AP1M1: variants seen among roughly 807,000 people sequenced by gnomAD.
AP1M1 encodes AP-1 complex subunit mu-1.
In AP1M1, 18 loss-of-function variants were observed where a neutral mutation model predicts 57.1. The ratio of observed to expected loss-of-function variants is 0.32; its 90% CI spans 0.22 to 0.47. AP1M1 has a LOEUF of 0.47. Among genes scored for constraint, AP1M1 ranks in the 20% least tolerant of loss-of-function variants. The pLI is 1.00. For missense variants in AP1M1, 362 were observed against 593.5 expected (o/e 0.61, Z 4.05); for synonymous variants, 241 against 237.9 (o/e 1.01, Z -0.12).
At position 16,241,670 on chromosome 19, in the gene AP1M1, TAGGA is replaced by T. The variant is rs2091646158; in HGVS notation, c.*7238_*7241del. The T allele has an allele frequency of 6.6e-6, 1 of 151,830 alleles. No homozygotes were observed. Among genetic ancestry groups the T allele is most frequent in the Non-Finnish European group, 1.5e-5 (1 of 68,006 alleles). The allele number at this position is 151,830 out of a possible 1,614,324, so 9.4% of individuals were successfully genotyped here. The stretch of plus-strand genomic sequence containing the variant: ...TGAAAGAAAACTTTTAACAGATTAA[TAGGA>T]AGAAGGAAAAGAGAAGGAGGCGTAG... On this transcript the variant is annotated 3_prime_UTR_variant, in exon 12 of 12. Transcript: ENST00000291439.
At position 16,235,660 on chromosome 19, in the gene AP1M1, G is replaced by A; in HGVS notation, c.*1225G>A. ...ATGGCCCACTCAGAGCATGGTCCTT[G>A]TGTCCACAGCAGCATCCCCTGTGTC... is the stretch of plus-strand genomic sequence containing the variant. On this transcript the variant is annotated 3_prime_UTR_variant, in exon 12 of 12. Coordinates refer to ENST00000291439, the MANE Select transcript of AP1M1 (RefSeq NM_032493.4). The A allele has an allele frequency of 6.6e-6, 1 of 152,272 alleles. No individual in the cohort carries two copies. Among genetic ancestry groups the A allele is most frequent in the East Asian group, 1.9e-4 (1 of 5,190 alleles). The allele number at this position is 152,272 out of a possible 1,614,324, so 9.4% of individuals were successfully genotyped here.
At chr19:16,223,279 T>C (rs1350246952) in intron 5 of AP1M1, among the ~76,000 whole-genome samples, 1 of 152,172 alleles carries the variant, frequency 6.6e-6, no homozygotes, top group Non-Finnish European at 1.5e-5. Context: ...CCCGAGTGGT[T>C]AGTTCAGTTC....
intron 5 of AP1M1, among the ~76,000 whole-genome samples, chr19:16,219,776 C>CAAGA (rs2091535456): frequency 6.6e-6 from 1 of 152,230 alleles, no homozygotes; most frequent in Non-Finnish European, 1.5e-5. Flanking sequence ...GCTGAATAAA[C>CAAGA]TGCATTGTGC....
At position 16,217,731 on chromosome 19, in the gene AP1M1, C is replaced by T. The variant is rs145019647; in HGVS notation, c.546+8554C>T. ...GAGTTCAGGTCTGACAGTTCCCCTA[C>T]GGCTAAAGTCTCCTATGAGAGCAAG... On this transcript the variant is annotated intron_variant, in intron 5 of 11. Coordinates refer to ENST00000291439, the MANE Select transcript of AP1M1 (RefSeq NM_032493.4). Among the ~76,000 whole-genome samples the T allele has an allele frequency of 1.4e-4, 21 of 152,276 alleles. No homozygotes were observed. The East Asian group carries it at 2.5e-3, about 18-fold the overall frequency.
At position 16,240,997 on chromosome 19, in the gene AP1M1, G is replaced by A. The variant is rs1177335306; in HGVS notation, c.*6562G>A. ...GCTTCAAATTACTGAGAGAAGTGCA[G>A]TCTAGAATTCTGAGCCCACCTCATC... is the stretch of plus-strand genomic sequence containing the variant. On this transcript the variant is annotated 3_prime_UTR_variant, in exon 12 of 12. Coordinates refer to ENST00000291439, the MANE Select transcript of AP1M1 (RefSeq NM_032493.4). 2 of 152,116 alleles carry A rather than the reference G, an allele frequency of 1.3e-5. No individual in the cohort carries two copies. The highest frequency in any genetic ancestry group is 2.9e-5 in the Non-Finnish European group (2 of 68,032). The allele number at this position is 152,116 out of a possible 1,614,324, so 9.4% of individuals were successfully genotyped here.
Position 16,244,696 on chromosome 19 carries a change from G to A in AP1M1, c.*10261G>A, listed in dbSNP as rs1390666514. 1.3e-5 allele frequency: 2 copies of A among 151,916 alleles called. No homozygotes were observed. The highest frequency in any genetic ancestry group is 2.1e-4 in the South Asian group (1 of 4,798). The allele number at this position is 151,916 out of a possible 1,614,324, so 9.4% of individuals were successfully genotyped here. On this transcript the variant is annotated 3_prime_UTR_variant, in exon 12 of 12. Coordinates refer to ENST00000291439, the MANE Select transcript of AP1M1 (RefSeq NM_032493.4). ...ATACAAAAAATTAGCCGGGCGCGGTGGCGGGCGCCTGTAGTCCCAGCTACT... is the reference window on the plus strand; with the variant it reads ...ATACAAAAAATTAGCCGGGCGCGGTAGCGGGCGCCTGTAGTCCCAGCTACT...
chr19:16,219,990 T>G (rs181031077), intron 5 of AP1M1, among the ~76,000 whole-genome samples: 50 of 152,360 alleles, frequency 3.3e-4, no homozygotes, highest in East Asian at 1.9e-4. Flanking sequence ...GGATCTACAC[T>G]CATAAGAGAT....
chr19:16,236,101 TATC>T lies in AP1M1; in HGVS notation c.*1668_*1670del, dbSNP rs10532680. On this transcript the variant is annotated 3_prime_UTR_variant, in exon 12 of 12. Coordinates refer to ENST00000291439, the MANE Select transcript of AP1M1 (RefSeq NM_032493.4). ...CCCCTCCCCTCACTGTCCACACCCA[TATC>T]AGCAGCCAGCCCTCATGGCCCCTCC... 0.15 allele frequency: 22,299 copies of T among 152,422 alleles called. 2,662 individuals carry two copies. Among genetic ancestry groups the T allele is most frequent in the African/African-American group, 0.31 (12,893 of 41,436 alleles). The allele number at this position is 152,422 out of a possible 1,614,324, so 9.4% of individuals were successfully genotyped here. A position where few individuals can be genotyped will look rare whatever the true frequency, so the allele number is the denominator to read the frequency against.
chr19:16,205,589 G>C (rs1324284935), intron 2 of AP1M1, among the ~76,000 whole-genome samples: 1 of 152,174 alleles, frequency 6.6e-6, no homozygotes. Context: ...AGGCAGCACA[G>C]ATGTGCCATG....
Position 16,208,154 on chromosome 19 carries a change from G to A in AP1M1, c.398+5G>A, listed in dbSNP as rs762491247. On this transcript the variant is annotated splice_donor_5th_base_variant and intron_variant, in intron 4 of 11. Transcript: ENST00000291439. ...CGACAGCAAGATCCTGCAGGAGTGA[G>A]TGGGCAGGGGTGGGGCCTGGGGCCA... 6.2e-7 allele frequency: 1 copy of A among 1,610,950 alleles called. No homozygotes were observed. Among genetic ancestry groups the A allele is most frequent in the Non-Finnish European group, 8.5e-7 (1 of 1,178,300 alleles).
intron 5 of AP1M1, among the ~76,000 whole-genome samples, chr19:16,215,647 T>G (rs1053129557): frequency 2.0e-5 from 3 of 152,052 alleles, no homozygotes; most frequent in South Asian, 4.2e-4. Context: ...TTATGTGTTT[T>G]GGGGATGATC....
chr19:16,222,208 ATTATTTT>A lies in AP1M1; in HGVS notation c.547-4210_547-4204del, dbSNP rs1568353117. ...TATTATTATTATTACTATTATTATTATTATTTTTTTTTTTTTTGAGATAGGTTCCCAC... is the reference window on the plus strand; with the variant it reads ...TATTATTATTATTACTATTATTATTATTTTTTTTTTGAGATAGGTTCCCAC... On this transcript the variant is annotated intron_variant, in intron 5 of 11. Coordinates refer to ENST00000291439, the MANE Select transcript of AP1M1 (RefSeq NM_032493.4). Among the ~76,000 whole-genome samples the A allele has an allele frequency of 4.0e-3, 277 of 68,832 alleles. 3 individuals carry two copies. The highest frequency in any genetic ancestry group is 0.01 in the African/African-American group (267 of 26,022). 45.2% of individuals were successfully genotyped at this position (68,832 alleles called of 152,430 possible).
At chr19:16,223,906 C>T (rs1166178162) in intron 5 of AP1M1, among the ~76,000 whole-genome samples, 4 of 152,242 alleles carry the variant, frequency 2.6e-5, no homozygotes, top group Non-Finnish European at 4.4e-5. Flanking sequence ...ACGCTGGCCT[C>T]ATCCCTGCGG....
chr19:16,222,633 G>A (rs2091551284), intron 5 of AP1M1, among the ~76,000 whole-genome samples: 1 of 151,812 alleles, frequency 6.6e-6, no homozygotes, highest in South Asian at 2.1e-4. Flanking sequence ...TTTGAGACAG[G>A]GTCTTACTCT....
intron 6 of AP1M1, 53 bp downstream of exon 6, chr19:16,226,600 CA>C (rs1276398506): frequency 2.7e-5 from 42 of 1,531,916 alleles, no homozygotes; most frequent in Admixed American, 3.8e-5. Flanking sequence ...ACCAGGCACA[CA>C]CATTACAGCC....
Position 16,208,339 on chromosome 19 carries a change from C to G in AP1M1, c.398+190C>G, listed in dbSNP as rs1013069076. The stretch of plus-strand genomic sequence containing the variant: ...TAATTCGTTTCCTCCTCTACGCCCC[C>G]ACATAACCGTGCTTTTCCTGCTCCT... On this transcript the variant is annotated intron_variant, in intron 4 of 11. Transcript: ENST00000291439. The G allele has an allele frequency of 1.1e-5, 6 of 533,890 alleles. No homozygotes were observed. The African/African-American group carries it at 1.1e-4, about 10-fold the overall frequency. The allele number at this position is 533,890 out of a possible 1,614,324, so 33.1% of individuals were successfully genotyped here.
At position 16,207,532 on chromosome 19, in the gene AP1M1, C is replaced by T. The variant is rs1054421112; in HGVS notation, c.268-487C>T. On this transcript the variant is annotated intron_variant, in intron 3 of 11. Transcript: ENST00000291439. This position sits in a 1 kb window ranked among gnomAD's most constrained non-coding sequence, Gnocchi z 4.2. ...CCTTTCTGTTTTAGTGACGCTCCTT[C>T]CTTCAGCATTTGTGCCTGCAAAAGT... Among the ~76,000 whole-genome samples the T allele has an allele frequency of 6.6e-6, 1 of 152,220 alleles. No individual in the cohort carries two copies. Among genetic ancestry groups the T allele is most frequent in the Non-Finnish European group, 1.5e-5 (1 of 68,040 alleles).
rs376837808 is a variant in AP1M1, at chr19:16,207,966, C to T, written c.268-53C>T. On this transcript the variant is annotated intron_variant, in intron 3 of 11. Coordinates refer to ENST00000291439, the MANE Select transcript of AP1M1 (RefSeq NM_032493.4). The surrounding 1 kb of genome is among the most constrained non-coding windows in gnomAD (Gnocchi z 4.2). ...TGCAAGCGTTCATTCATTCCTCATC[C>T]GTCCGCTCAATGATCTGCCTCCCAT... The T allele has an allele frequency of 4.4e-6, 7 of 1,575,432 alleles. No individual in the cohort carries two copies. Among genetic ancestry groups the T allele is most frequent in the African/African-American group, 1.4e-5 (1 of 73,960 alleles).
chr19:16,207,920 C>T lies in AP1M1; in HGVS notation c.268-99C>T. On this transcript the variant is annotated intron_variant, in intron 3 of 11. Coordinates refer to ENST00000291439, the MANE Select transcript of AP1M1 (RefSeq NM_032493.4). The surrounding 1 kb of genome is among the most constrained non-coding windows in gnomAD (Gnocchi z 4.2). ...CCTGGGAAGTAGGCTGTTGGTAGGACTTAGCGGGCAAATGAATGTGTGCAA... is the reference window on the plus strand; with the variant it reads ...CCTGGGAAGTAGGCTGTTGGTAGGATTTAGCGGGCAAATGAATGTGTGCAA... 1 of 1,457,102 alleles carries T rather than the reference C, an allele frequency of 6.9e-7. No individual in the cohort carries two copies. Among genetic ancestry groups the T allele is most frequent in the Non-Finnish European group, 9.3e-7 (1 of 1,072,032 alleles). 90.3% of individuals were successfully genotyped at this position (1,457,102 alleles called of 1,614,324 possible). A position where few individuals can be genotyped will look rare whatever the true frequency, so the allele number is the denominator to read the frequency against.
Sources: gnomAD v4.1 joint callset for allele counts (sites outside exome capture counted in the v4.1 genomes callset) on GRCh38, gnomAD v4.1.1 for gene constraint, Gnocchi (gnomAD v3.1) non-coding constraint, MANE v1.5 for transcripts, NCBI Gene and HGNC (gene_info 2026-07-23, HGNC 2026-07-21) for gene names.